Variants in ATF3 observed in about 807,000 individuals in gnomAD.
ATF3 encodes cyclic AMP-dependent transcription factor ATF-3.
ATF3 carries 10 observed loss-of-function variants against 18.4 expected under a neutral mutation model. That is an observed-to-expected ratio of 0.54 (90% CI 0.34 to 0.92). ATF3 has a LOEUF of 0.92. Ranked by LOEUF, ATF3 falls within the 40% of genes least tolerant of loss-of-function variation. ATF3 has a pLI of 0.02. For synonymous variants in ATF3, 78 were observed against 87.9 expected (o/e 0.89, Z 0.63); for missense variants, 183 against 222.3 (o/e 0.82, Z 1.12).
Position 212,615,216 on chromosome 1 carries a change from C to G in ATF3, c.195C>G (p.Val65=), listed in dbSNP as rs1221250778. Residue 65 remains valine, a synonymous_variant, in exon 2 of 4, where the codon GTC becomes GTG. Transcript: ENST00000341491. ...GGATGTCCTCTGCGCTGGAATCAGT[C>G]ACTGTCAGCGACAGACCCCTCGGGG... ...CHRMSSALES[V]TVSDRPLGVS... 3.1e-6 allele frequency: 5 copies of G among 1,614,208 alleles called. No homozygotes were observed. Among genetic ancestry groups the G allele is most frequent in the Non-Finnish European group, 4.2e-6 (5 of 1,180,048 alleles).
intron 1 of ATF3, among the ~76,000 whole-genome samples, chr1:212,572,879 A>G (rs1048327618): frequency 6.6e-6 from 1 of 152,250 alleles, no homozygotes; most frequent in Non-Finnish European, 1.5e-5. Context: ...AGTTCTATAT[A>G]GAAAAGCAAT....
intron 1 of ATF3, among the ~76,000 whole-genome samples, chr1:212,611,556 C>T (rs538522382): frequency 6.6e-6 from 1 of 152,324 alleles, no homozygotes; most frequent in East Asian, 1.9e-4. Context: ...AACATTGTCT[C>T]TGGCCCTTGA....
intron 2 of ATF3, among the ~76,000 whole-genome samples, chr1:212,616,279 A>G (rs1000464584): frequency 4.0e-5 from 6 of 151,382 alleles, no homozygotes; most frequent in Non-Finnish European, 8.8e-5. Context: ...CAACACACAC[A>G]CACACACACA....
At chr1:212,598,419 GGGA>G (rs1654379662) in intron 1 of ATF3, among the ~76,000 whole-genome samples, 1 of 152,142 alleles carries the variant, frequency 6.6e-6, no homozygotes, top group South Asian at 2.1e-4. Context: ...ATCACATCTT[GGGA>G]AATGGGGTAT....
chr1:212,609,605 G>GT (rs781456784), intron 1 of ATF3, among the ~76,000 whole-genome samples: 100 of 152,312 alleles, frequency 6.6e-4, no homozygotes, highest in Non-Finnish European at 1.2e-3. Context: ...GTGTCGCGCT[G>GT]TCCCGGGGCG....
At chr1:212,597,786 T>C (rs1415438245) in intron 1 of ATF3, among the ~76,000 whole-genome samples, 1 of 152,200 alleles carries the variant, frequency 6.6e-6, no homozygotes, top group Non-Finnish European at 1.5e-5. Context: ...TTGGATTTCT[T>C]TCCGTTTCGC....
intron 1 of ATF3, among the ~76,000 whole-genome samples, chr1:212,569,171 C>T (rs116390004): frequency 6.6e-5 from 10 of 152,210 alleles, no homozygotes; most frequent in South Asian, 4.1e-4. Flanking sequence ...TCTCTCCCTC[C>T]GTCTTTTTCC....
rs929516898 is a variant in ATF3, at chr1:212,619,689, G to A, written c.*134G>A. ...GCAGCAGAGAACCATCAAGGCGGGA[G>A]GGCCTGCAGTGATTCAGCAGGCCCT... On this transcript the variant is annotated 3_prime_UTR_variant, in exon 4 of 4. Transcript: ENST00000341491. This position sits in a 1 kb window ranked among gnomAD's most constrained non-coding sequence, Gnocchi z 4.4. 6.1e-5 allele frequency: 78 copies of A among 1,274,480 alleles called. No individual in the cohort carries two copies. The highest frequency in any genetic ancestry group is 1.9e-5 in the Non-Finnish European group (17 of 917,078). 78.9% of individuals were successfully genotyped at this position (1,274,480 alleles called of 1,614,324 possible).
At position 212,618,249 on chromosome 1, in the gene ATF3, G is replaced by A; in HGVS notation, c.348+15G>A. ...GCCTGCAGAAAGTGAGTGCCTTCTA[G>A]CCTTACCCTTCCTCTCGCTCACGCC... On this transcript the variant is annotated intron_variant, in intron 3 of 3. Coordinates refer to ENST00000341491, the MANE Select transcript of ATF3 (RefSeq NM_001674.4). The surrounding 1 kb of genome is among the most constrained non-coding windows in gnomAD (Gnocchi z 4.4). The A allele has an allele frequency of 6.2e-7, 1 of 1,612,436 alleles. No individual in the cohort carries two copies. The highest frequency in any genetic ancestry group is 8.5e-7 in the Non-Finnish European group (1 of 1,178,522).
chr1:212,566,292 G>T (rs1664381436), intron 1 of ATF3, among the ~76,000 whole-genome samples: 1 of 150,798 alleles, frequency 6.6e-6, no homozygotes, highest in South Asian at 2.1e-4. Flanking sequence ...CTTTAAGTGT[G>T]GATCTGTGGT....
upstream of ATF3, among the ~76,000 whole-genome samples, chr1:212,607,358 G>T (rs1427434701): frequency 6.6e-6 from 1 of 152,218 alleles, no homozygotes; most frequent in Non-Finnish European, 1.5e-5. Flanking sequence ...CTCCCAGGCA[G>T]GTGCGAAAGT....
chr1:212,618,125 A>T lies in ATF3; in HGVS notation c.241-2A>T. 1.9e-6 allele frequency: 3 copies of T among 1,614,070 alleles called. No individual in the cohort carries two copies. The highest frequency in any genetic ancestry group is 2.5e-6 in the Non-Finnish European group (3 of 1,179,910). Reference sequence around the variant, plus strand: ...TAAATGTGTTTCTTTTGGATTTTACAGGTAGCCCCTGAAGAAGATGAAAGG... The same window carrying T: ...TAAATGTGTTTCTTTTGGATTTTACTGGTAGCCCCTGAAGAAGATGAAAGG... On this transcript the variant is annotated splice_acceptor_variant, in intron 2 of 3. Coordinates refer to ENST00000341491, the MANE Select transcript of ATF3 (RefSeq NM_001674.4). LOFTEE classifies it high-confidence loss of function. The surrounding 1 kb of genome is among the most constrained non-coding windows in gnomAD (Gnocchi z 4.4).
At chr1:212,613,590 T>C (rs1286046366) in intron 1 of ATF3, 1 of 152,090 alleles carries the variant, frequency 6.6e-6, no homozygotes, top group Non-Finnish European at 1.5e-5. Context: ...GCCCCTAAGG[T>C]TTCTGGTATG....
At chr1:212,578,620 G>A (rs545640168) in intron 1 of ATF3, among the ~76,000 whole-genome samples, 37 of 152,034 alleles carry the variant, frequency 2.4e-4, no homozygotes, top group African/African-American at 7.5e-4. Flanking sequence ...ACCTTTAACC[G>A]GGAGTAGAAT....
At chr1:212,566,245 C>T (rs148026027) in intron 1 of ATF3, among the ~76,000 whole-genome samples, 1 of 152,242 alleles carries the variant, frequency 6.6e-6, no homozygotes, top group East Asian at 1.9e-4. Context: ...AACATGTGCA[C>T]TTGGGGTTCT....
intron 1 of ATF3, among the ~76,000 whole-genome samples, chr1:212,601,366 T>A (rs1654480738): frequency 6.6e-6 from 1 of 152,220 alleles, no homozygotes; most frequent in African/African-American, 2.4e-5. Context: ...TCTGGTAAGG[T>A]CAACTCTAGA....
intron 1 of ATF3, among the ~76,000 whole-genome samples, chr1:212,571,854 GGA>G (rs1169297692): frequency 6.6e-6 from 1 of 151,988 alleles, no homozygotes; most frequent in Admixed American, 6.5e-5. Flanking sequence ...TGGGACTGCA[GGA>G]GCCCGCCACC....
intron 2 of ATF3, among the ~76,000 whole-genome samples, chr1:212,617,820 T>C (rs1370113309): frequency 1.3e-5 from 2 of 152,184 alleles, no homozygotes; most frequent in Non-Finnish European, 2.9e-5. Context: ...TAGTTATCAA[T>C]TTGCATATTA....
In ATF3 at chr1:212,567,022, C is replaced by T. The variant is rs1024053406; in HGVS notation, c.-5+1539C>T. 1.1e-4 allele frequency among the ~76,000 whole-genome samples: 17 copies of T among 152,246 alleles called. 1 individual carries two copies. The South Asian group carries it at 2.7e-3, about 24-fold the overall frequency. ...CATAAACAGATTAACCTAGGGGTAGCGATTTTACTTAACTCTTCCTTTCAT... is the reference window on the plus strand; with the variant it reads ...CATAAACAGATTAACCTAGGGGTAGTGATTTTACTTAACTCTTCCTTTCAT... On this transcript the variant is annotated intron_variant, in intron 1 of 3. Coordinates refer to the ATF3 transcript ENST00000366981.
Sources: allele counts gnomAD v4.1 joint callset (sites outside exome capture counted in the v4.1 genomes callset), GRCh38; gene constraint gnomAD v4.1.1; non-coding constraint Gnocchi (gnomAD v3.1); transcripts MANE v1.5; gene names NCBI Gene and HGNC (gene_info 2026-07-23, HGNC 2026-07-21).